Variants in MBNL2 observed in about 807,000 individuals in gnomAD.
The protein encoded by MBNL2 is muscleblind-like protein 2.
A neutral mutation model predicts 41.9 loss-of-function variants in MBNL2; 17 were observed. The ratio of observed to expected loss-of-function variants is 0.41; its 90% confidence interval spans 0.28 to 0.61. MBNL2 has a LOEUF of 0.61. Ranked by LOEUF, MBNL2 falls within the 20% of genes least tolerant of loss-of-function variation. The pLI is 0.35. For missense variants in MBNL2, 336 were observed against 505.6 expected (o/e 0.66, Z 3.22); for synonymous variants, 195 against 182.9 (o/e 1.07, Z -0.53).
At chr13:97,161,204 T>C in the MBNL2 span, among the ~76,000 whole-genome samples, 3 of 152,210 alleles carry the variant, frequency 2.0e-5, no homozygotes, top group Non-Finnish European at 2.9e-5. Flanking sequence ...CCCAATGGCA[T>C]TTAGCATTGA....
chr13:97,155,812 T>A, the MBNL2 span, among the ~76,000 whole-genome samples: 5 of 151,460 alleles, frequency 3.3e-5, no homozygotes, highest in African/African-American at 1.2e-4. Context: ...GACATTTGGG[T>A]TGGTTCCAAG....
chr13:97,261,764 G>A (rs2048677678), intron 1 of MBNL2, among the ~76,000 whole-genome samples: 1 of 152,214 alleles, frequency 6.6e-6, no homozygotes, highest in African/African-American at 2.4e-5. Flanking sequence ...AAGGCTGCAG[G>A]ACTGAAGCTG....
chr13:97,194,677 A>T, the MBNL2 span, among the ~76,000 whole-genome samples: 1 of 152,216 alleles, frequency 6.6e-6, no homozygotes, highest in African/African-American at 2.4e-5. Context: ...ATAAAACAGG[A>T]TGTGGTAAAG....
chr13:97,289,206 A>AAACTTATGT (rs2055300537), intron 2 of MBNL2, among the ~76,000 whole-genome samples: 1 of 152,260 alleles, frequency 6.6e-6, no homozygotes, highest in East Asian at 1.9e-4. Context: ...CTTAATATAA[A>AAACTTATGT]AACTTATGTG....
chr13:97,213,626 T>C, the MBNL2 span, among the ~76,000 whole-genome samples: 1 of 151,614 alleles, frequency 6.6e-6, no homozygotes, highest in Non-Finnish European at 1.5e-5. Flanking sequence ...TGTGAAATAA[T>C]GTGAGATTCT....
At chr13:97,233,143 A>T (rs1279689027) in intron 1 of MBNL2, among the ~76,000 whole-genome samples, 1 of 78,694 alleles carries the variant, frequency 1.3e-5, no homozygotes, top group East Asian at 8.0e-4. Context: ...ATATATATAT[A>T]TATATATATA....
the MBNL2 span, among the ~76,000 whole-genome samples, chr13:97,213,298 C>T: frequency 7.1e-3 from 1,080 of 152,064 alleles, 14 homozygotes; most frequent in African/African-American, 0.024. Flanking sequence ...GAGATGGACA[C>T]GGTCTAATGA....
intron 3 of MBNL2, among the ~76,000 whole-genome samples, chr13:97,339,866 T>TGGGGGG (rs1333514307): frequency 1.3e-4 from 10 of 79,344 alleles, no homozygotes; most frequent in African/African-American, 6.2e-4. Context: ...AACTGATTTG[T>TGGGGGG]GTGTGGGCGG....
chr13:97,276,061 C>T lies in MBNL2; in HGVS notation c.-175C>T. On this transcript the variant is annotated 5_prime_UTR_variant, in exon 2 of 9. Transcript: ENST00000679496. ...GGACATATTGATTGATGAGTGATTG[C>T]CTGTCCATACACTCTCTCATCATCC... 3.7e-6 allele frequency: 2 copies of T among 540,226 alleles called. No homozygotes were observed. Among genetic ancestry groups the T allele is most frequent in the East Asian group, 5.9e-5 (2 of 34,112 alleles). 33.5% of individuals were successfully genotyped at this position (540,226 alleles called of 1,614,324 possible).
chr13:97,333,758 A>T (rs1211406120), intron 2 of MBNL2, among the ~76,000 whole-genome samples: 1 of 151,710 alleles, frequency 6.6e-6, no homozygotes, highest in Non-Finnish European at 1.5e-5. Flanking sequence ...ACATCACTCT[A>T]GCATGTACAG....
At chr13:97,150,592 A>G in the MBNL2 span, among the ~76,000 whole-genome samples, 1 of 152,204 alleles carries the variant, frequency 6.6e-6, no homozygotes, top group African/African-American at 2.4e-5. Context: ...TGAGGACTTC[A>G]TTTTCACTCA....
At chr13:97,160,871 G>C in the MBNL2 span, among the ~76,000 whole-genome samples, 1 of 152,076 alleles carries the variant, frequency 6.6e-6, no homozygotes, top group Non-Finnish European at 1.5e-5. Flanking sequence ...TAACACTATA[G>C]TTTGGGCAAA....
chr13:97,357,489 C>G lies in MBNL2; in HGVS notation c.866C>G (p.Pro289Arg), dbSNP rs1367399034. Residue 289 changes from proline (P) to arginine (R), a missense_variant, in exon 7 of 9, where the codon CCC becomes CGC. By Grantham distance (103) the Pro-to-Arg change is moderately radical. Transcript: ENST00000679496. Reference sequence around the variant, plus strand: ...CGAATTCTTCATTTCTAGGCCTTTCCCCCTGGTGCTCTTCATCCTTTACCA... The same window carrying G: ...CGAATTCTTCATTTCTAGGCCTTTCGCCCTGGTGCTCTTCATCCTTTACCA... ...PLEATVDLAFPPGALHPLPKR... is the reference protein window; with the variant it reads ...PLEATVDLAFRPGALHPLPKR... The G allele has an allele frequency of 6.2e-7, 1 of 1,613,820 alleles. No individual in the cohort carries two copies. The highest frequency in any genetic ancestry group is 8.5e-7 in the Non-Finnish European group (1 of 1,179,936).
intron 2 of MBNL2, among the ~76,000 whole-genome samples, chr13:97,306,116 A>G (rs1470536625): frequency 6.6e-6 from 1 of 152,178 alleles, no homozygotes; most frequent in Non-Finnish European, 1.5e-5. Flanking sequence ...AACATTTTCT[A>G]TGACATTAAA....
intron 1 of MBNL2, among the ~76,000 whole-genome samples, chr13:97,240,842 C>T (rs1199224958): frequency 3.3e-5 from 5 of 152,126 alleles, no homozygotes; most frequent in Non-Finnish European, 7.4e-5. Flanking sequence ...AGCACTTGAA[C>T]GAGCTCCGTG....
At chr13:97,382,551 C>A (rs1446621445) in intron 8 of MBNL2, among the ~76,000 whole-genome samples, 1 of 152,146 alleles carries the variant, frequency 6.6e-6, no homozygotes, top group East Asian at 1.9e-4. Context: ...GGTGTGGAAT[C>A]ACAAATGTTG....
intron 5 of MBNL2, among the ~76,000 whole-genome samples, chr13:97,354,333 A>G (rs946305597): frequency 1.3e-5 from 2 of 152,262 alleles, no homozygotes; most frequent in African/African-American, 4.8e-5. Context: ...GAGCATCTGT[A>G]TATGAAAATG....
At chr13:97,351,541 A>G (rs2062457790) in intron 5 of MBNL2, among the ~76,000 whole-genome samples, 1 of 152,174 alleles carries the variant, frequency 6.6e-6, no homozygotes, top group Non-Finnish European at 1.5e-5. Flanking sequence ...GATCTTAGCT[A>G]GATCTTCTGA....
chr13:97,180,740 TA>T, the MBNL2 span, among the ~76,000 whole-genome samples: 47,409 of 85,990 alleles, frequency 0.55, 11,358 homozygotes, highest in Admixed American at 0.59. Context: ...AGACTCCATC[TA>T]AAAAAAAAAA....
Sources: gnomAD v4.1 joint callset for allele counts (sites outside exome capture counted in the v4.1 genomes callset) on GRCh38, gnomAD v4.1.1 for gene constraint, MANE v1.5 for transcripts, NCBI Gene and HGNC (gene_info 2026-07-23, HGNC 2026-07-21) for gene names.